Variants in ZDHHC11 observed in about 807,000 individuals in gnomAD.
The protein encoded by ZDHHC11 is palmitoyltransferase ZDHHC11.
A neutral mutation model predicts 51.3 loss-of-function variants in ZDHHC11; 44 were observed. The observed-to-expected ratio is 0.86, with a 90% confidence interval of 0.67 to 1.10. The LOEUF (loss-of-function observed/expected upper bound fraction) is 1.10. Among genes scored for constraint, ZDHHC11 ranks in the 50% least tolerant of loss-of-function variants. The pLI, the probability that ZDHHC11 is intolerant of heterozygous loss-of-function variation, is 0.00. For synonymous variants in ZDHHC11, 163 were observed against 222.0 expected, an observed-to-expected ratio of 0.73 and a Z score of 2.36; for missense variants, 400 against 537.7, an observed-to-expected ratio of 0.74 and a Z score of 2.53.
chr5:808,794 T>C (rs1388232836), intron 11 of ZDHHC11, among the ~76,000 whole-genome samples: 2 of 144,116 alleles, frequency 1.4e-5, no homozygotes, highest in Non-Finnish European at 3.1e-5. Context: ...GCCTCCTGGG[T>C]TCACGCCATT....
At chr5:816,309 A>G (rs563597161) in intron 10 of ZDHHC11, 1 of 312,024 alleles carries the variant, frequency 3.2e-6, no homozygotes, top group East Asian at 7.6e-5. Context: ...AGAAGATCAC[A>G]AAGATATTCT....
chr5:848,456 G>A (rs200564151), intron 2 of ZDHHC11, 26 bp downstream of exon 2: 89,466 of 1,180,048 alleles, frequency 0.076, 1,178 homozygotes, highest in Admixed American at 0.19. Flanking sequence ...TGACACCTTG[G>A]GGCCTCGGCG....
chr5:797,016 G>T (rs1238327323), intron 12 of ZDHHC11, among the ~76,000 whole-genome samples: 17 of 150,848 alleles, frequency 1.1e-4, no homozygotes, highest in African/African-American at 3.7e-4. Flanking sequence ...GACCTTCCTG[G>T]CTAATACAGT....
In ZDHHC11 at chr5:821,849, T is replaced by G; in HGVS notation, c.1058+12A>C. 6.2e-7 allele frequency: 1 copy of G among 1,601,738 alleles called. No individual in the cohort carries two copies. The highest frequency in any genetic ancestry group is 1.3e-5 in the African/African-American group (1 of 74,764). On this transcript the variant is annotated intron_variant, in intron 9 of 12. Transcript: ENST00000283441. The stretch of plus-strand genomic sequence containing the variant: ...AATAGATAAAATAATCCCATTAAAC[T>G]TACAAACTCACCCAAGTGCAGATGG...
upstream of ZDHHC11, among the ~76,000 whole-genome samples, chr5:853,231 C>T (rs1296478515): frequency 7.9e-6 from 1 of 125,808 alleles, no homozygotes; most frequent in Non-Finnish European, 1.6e-5. Flanking sequence ...CCGGGGGGCA[C>T]GGACCCCACG....
chr5:850,288 C>G, intron 1 of ZDHHC11, 93 bp downstream of exon 1: 12 of 1,419,944 alleles, frequency 8.5e-6, no homozygotes, highest in South Asian at 4.0e-5. Flanking sequence ...CTGGTGCCAC[C>G]GGGCAGCCAT....
In ZDHHC11 at chr5:795,949, T is replaced by TCAGTACTGTATGCCCATCTCC. The variant is rs1737511731; in HGVS notation, c.*638_*639insGGAGATGGGCATACAGTACTG. ...TCCCAGTACTGTGTGCTCCCATTTC[T>TCAGTACTGTATGCCCATCTCC]CAGTACTGTATGCCCATTTCCCAGT... On this transcript the variant is annotated 3_prime_UTR_variant, in exon 13 of 13. Transcript: ENST00000283441. 7.4e-6 allele frequency: 1 copy of TCAGTACTGTATGCCCATCTCC among 135,842 alleles called. No individual in the cohort carries two copies. The highest frequency in any genetic ancestry group is 7.6e-5 in the Admixed American group (1 of 13,158). 8.4% of individuals were successfully genotyped at this position (135,842 alleles called of 1,614,324 possible).
At chr5:831,200 C>G (rs184096934) in intron 7 of ZDHHC11, among the ~76,000 whole-genome samples, 10 of 149,448 alleles carry the variant, frequency 6.7e-5, no homozygotes, top group Admixed American at 2.0e-4. Context: ...ATAGAACCCA[C>G]GGAAAGGAAG....
At chr5:828,473 C>G (rs1376729473) in intron 7 of ZDHHC11, among the ~76,000 whole-genome samples, 3 of 151,328 alleles carry the variant, frequency 2.0e-5, no homozygotes, top group African/African-American at 7.3e-5. Context: ...CCACCTCCCT[C>G]CCGGACGGGG....
At chr5:815,799 T>G (rs1038110998) in intron 10 of ZDHHC11, among the ~76,000 whole-genome samples, 1 of 151,546 alleles carries the variant, frequency 6.6e-6, no homozygotes, top group African/African-American at 2.4e-5. Flanking sequence ...TTAATTTTTT[T>G]AAAGATAGGT....
intron 3 of ZDHHC11, among the ~76,000 whole-genome samples, chr5:845,654 G>A (rs1293218782): frequency 2.0e-5 from 3 of 151,896 alleles, no homozygotes; most frequent in Admixed American, 6.6e-5. Flanking sequence ...TGGGGGCTCC[G>A]CCATCAGCTC....
intron 3 of ZDHHC11, among the ~76,000 whole-genome samples, chr5:845,644 T>TG (rs1746029747): frequency 6.6e-6 from 1 of 151,946 alleles, no homozygotes; most frequent in Non-Finnish European, 1.5e-5. Context: ...GGCCTCCCCA[T>TG]GGGGGCTCCG....
chr5:827,645 T>C (rs1442218556), intron 7 of ZDHHC11, among the ~76,000 whole-genome samples: 1 of 151,232 alleles, frequency 6.6e-6, no homozygotes, highest in Non-Finnish European at 1.5e-5. Flanking sequence ...AGCAACATTA[T>C]ACGATGATAA....
At chr5:821,739 G>A in intron 9 of ZDHHC11, 122 bp downstream of exon 9, 1 of 1,000,614 alleles carries the variant, frequency 1.0e-6, no homozygotes, top group Non-Finnish European at 1.4e-6. Context: ...CCACCTCCTG[G>A]CACTTCAGGA....
intron 11 of ZDHHC11, among the ~76,000 whole-genome samples, chr5:808,701 AT>A (rs1161740691): frequency 0.012 from 1,590 of 129,086 alleles, 26 homozygotes; most frequent in African/African-American, 0.026. Context: ...AACCTAGCTA[AT>A]TTTTTTTTTT....
chr5:805,356 T>C (rs1183930188), intron 11 of ZDHHC11, among the ~76,000 whole-genome samples: 1 of 150,788 alleles, frequency 6.6e-6, no homozygotes, highest in African/African-American at 2.4e-5. Flanking sequence ...AAAGATTGCT[T>C]GAGCCCAGGA....
At chr5:814,419 G>A (rs1740486378) in intron 11 of ZDHHC11, among the ~76,000 whole-genome samples, 1 of 151,142 alleles carries the variant, frequency 6.6e-6, no homozygotes, top group Admixed American at 6.6e-5. Flanking sequence ...ATTTAGAGTT[G>A]AAATGACAAG....
At chr5:844,730 C>T (rs1177886835) in intron 3 of ZDHHC11, among the ~76,000 whole-genome samples, 1 of 152,308 alleles carries the variant, frequency 6.6e-6, no homozygotes, top group East Asian at 1.9e-4. Flanking sequence ...CCGGCCACAC[C>T]TCGGCTGCAG....
chr5:856,586 A>G (rs1446543260), intron 1 of ZDHHC11, among the ~76,000 whole-genome samples: 1 of 150,988 alleles, frequency 6.6e-6, no homozygotes, highest in Non-Finnish European at 1.5e-5. Context: ...CACACAAACC[A>G]CACGCACACA....
Sources: allele counts gnomAD v4.1 joint callset (sites outside exome capture counted in the v4.1 genomes callset), GRCh38; gene constraint gnomAD v4.1.1; transcripts MANE v1.5; gene names NCBI Gene and HGNC (gene_info 2026-07-23, HGNC 2026-07-21).